Variants in UPF3A observed in about 807,000 individuals in gnomAD.
The protein encoded by UPF3A is regulator of nonsense transcripts 3A.
In UPF3A, 42 loss-of-function variants were observed where a neutral mutation model predicts 53.5. The ratio of observed to expected loss-of-function variants is 0.78; its 90% CI spans 0.61 to 1.01. UPF3A has a LOEUF of 1.01. UPF3A is among the 50% of genes least tolerant of loss of function. The probability of loss-of-function intolerance (pLI) is 0.00; values close to 1 mark genes in which losing one functional copy is unlikely to be tolerated. For synonymous variants in UPF3A, 237 were observed against 225.3 expected, an observed-to-expected ratio of 1.05 and a Z score of -0.47; for missense variants, 575 against 598.0, an observed-to-expected ratio of 0.96 and a Z score of 0.40.
chr13:114,282,301 C>A, intron 2 of UPF3A, 174 bp downstream of exon 2: 1 of 852,716 alleles, frequency 1.2e-6, no homozygotes, highest in Non-Finnish European at 1.7e-6. Context: ...AAAATACCAC[C>A]AACAAAGAAA....
At position 114,301,895 on chromosome 13, in the gene UPF3A, G is replaced by A. The variant is rs754867855; in HGVS notation, c.1172G>A (p.Gly391Glu). 2 of 1,610,210 alleles carry A rather than the reference G, an allele frequency of 1.2e-6. No homozygotes were observed. Among genetic ancestry groups the A allele is most frequent in the South Asian group, 1.1e-5 (1 of 90,690 alleles). Residue 391 changes from glycine to glutamate, a missense_variant, in exon 9 of 10, where the codon GGA (glycine) becomes GAA (glutamate). By Grantham distance (98) the Gly-to-Glu change is moderately conservative (BLOSUM62 -2). This residue lies in a region of UPF3A where 323 missense variants were observed against 415.2 expected (regional missense o/e 0.78). Coordinates refer to ENST00000375299, the MANE Select transcript of UPF3A (RefSeq NM_023011.4). ...RSEDEQRWGK[G>E]PGQDRGKKGS... ...GAGGATGAGCAGAGATGGGGGAAAG[G>A]ACCTGGCCAAGACAGAGGGAAGAAG...
At chr13:114,287,889 C>T (rs1594771284) in intron 5 of UPF3A, among the ~76,000 whole-genome samples, 4 of 152,314 alleles carry the variant, frequency 2.6e-5, no homozygotes, top group Middle Eastern at 3.4e-3. Flanking sequence ...TCACTGCAAC[C>T]TCTGCCTTCC....
intron 3 of UPF3A, chr13:114,284,164 C>G (rs1452806529): frequency 7.4e-6 from 5 of 677,398 alleles, no homozygotes; most frequent in Non-Finnish European, 9.1e-6. Context: ...GAGTTCGAGA[C>G]CGGCCTGAGC....
intron 7 of UPF3A, among the ~76,000 whole-genome samples, chr13:114,297,338 C>T (rs757813698): frequency 3.3e-5 from 5 of 151,566 alleles, no homozygotes; most frequent in South Asian, 2.1e-4. Flanking sequence ...TATGTCGTGG[C>T]GACTTGTTCA....
At chr13:114,292,060 G>T (rs965278183) in intron 7 of UPF3A, among the ~76,000 whole-genome samples, 13 of 150,744 alleles carry the variant, frequency 8.6e-5, no homozygotes, top group African/African-American at 3.2e-4. Flanking sequence ...GGAGCCCCAC[G>T]CTGGCACACG....
chr13:114,297,741 A>G (rs576111834), intron 7 of UPF3A, among the ~76,000 whole-genome samples: 1 of 152,140 alleles, frequency 6.6e-6, no homozygotes, highest in Admixed American at 6.5e-5. Flanking sequence ...AGGCAGGAGA[A>G]TTGCTTGAAC....
rs2084259438 is a variant in UPF3A, at chr13:114,282,866, A to G, written c.344A>G (p.Tyr115Cys). 6.2e-7 allele frequency: 1 copy of G among 1,611,016 alleles called. No homozygotes were observed. The highest frequency in any genetic ancestry group is 2.2e-5 in the East Asian group (1 of 44,830). The part of the protein sequence containing the change: ...SLYPHLYSRA[Y>C]INFRNPDDIL... ...TATCCTCATCTCTACTCAAGAGCAT[A>G]CATTAATTTTAGGAATCCTGATGAC... The change falls in exon 3 of 10, where the codon TAC (tyrosine) becomes TGC (cysteine). Residue 115 changes from tyrosine (Y) to cysteine (C), a missense_variant. Physicochemically the swap from Tyr to Cys is radical, Grantham distance 194. Coordinates refer to ENST00000375299, the MANE Select transcript of UPF3A (RefSeq NM_023011.4).
chr13:114,288,231 C>A (rs988323880), intron 5 of UPF3A, among the ~76,000 whole-genome samples: 1 of 152,222 alleles, frequency 6.6e-6, no homozygotes, highest in Admixed American at 6.5e-5. Flanking sequence ...TGCCTACCAT[C>A]GGGATGACAG....
chr13:114,295,486 C>T lies in UPF3A; in HGVS notation c.847-3354C>T, dbSNP rs189777746. 2.9e-3 allele frequency among the ~76,000 whole-genome samples: 437 copies of T among 152,096 alleles called. 1 individual carries two copies. Among genetic ancestry groups the T allele is most frequent in the Non-Finnish European group, 5.0e-3 (337 of 67,870 alleles). On this transcript the variant is annotated intron_variant, in intron 7 of 9. Transcript: ENST00000375299. ...GCGGATTCCACCTCAGGACTCCGCA[C>T]GTTTCCCTCCACAGGGACTTCCCCA...
Position 114,282,642 on chromosome 13 carries a change from A to C in UPF3A, c.315-195A>C, listed in dbSNP as rs2084225558. The C allele has an allele frequency of 3.0e-6, 3 of 985,470 alleles. No individual in the cohort carries two copies. The African/African-American group carries it at 5.2e-5, about 17-fold the overall frequency. 61.0% of individuals were successfully genotyped at this position (985,470 alleles called of 1,614,324 possible). A position where few individuals can be genotyped will look rare whatever the true frequency, so the allele number is the denominator to read the frequency against. On this transcript the variant is annotated intron_variant, in intron 2 of 9. Transcript: ENST00000375299. ...TTCTGGGCAGTGGAGAAGGGACCTG[A>C]GTTCTGCCTTGTAAAGTTAACGTTT...
intron 8 of UPF3A, 45 bp from the exon 9 acceptor site, chr13:114,301,686 A>AC: frequency 6.4e-7 from 1 of 1,572,788 alleles, no homozygotes; most frequent in Non-Finnish European, 8.6e-7. Context: ...TGGGCAGCCA[A>AC]CCGGCGGTTT....
At chr13:114,304,514 CAG>C (rs1304131764) in intron 9 of UPF3A, among the ~76,000 whole-genome samples, 3 of 152,202 alleles carry the variant, frequency 2.0e-5, no homozygotes, top group East Asian at 1.9e-4. Context: ...CTTCCCAACT[CAG>C]AGGGGGACGT....
At chr13:114,293,251 G>A (rs1210808919) in intron 7 of UPF3A, among the ~76,000 whole-genome samples, 2 of 150,340 alleles carry the variant, frequency 1.3e-5, no homozygotes, top group African/African-American at 2.5e-5. Context: ...GGACGTGGTG[G>A]CGTGTGCCTG....
chr13:114,304,702 A>G (rs536837583), intron 9 of UPF3A, 87 bp from the exon 10 acceptor site: 2 of 1,515,848 alleles, frequency 1.3e-6, no homozygotes, highest in East Asian at 2.3e-5. Flanking sequence ...GACAATTCAT[A>G]TCATCAAGTT....
intron 7 of UPF3A, among the ~76,000 whole-genome samples, chr13:114,293,252 C>T (rs997023419): frequency 7.2e-6 from 1 of 139,032 alleles, no homozygotes; most frequent in Admixed American, 7.4e-5. Context: ...GACGTGGTGG[C>T]GTGTGCCTGG....
intron 8 of UPF3A, among the ~76,000 whole-genome samples, chr13:114,300,684 C>T (rs1330072239): frequency 6.6e-6 from 1 of 152,164 alleles, no homozygotes; most frequent in Non-Finnish European, 1.5e-5. Flanking sequence ...GAATTACAGG[C>T]ATGCCCCTCC....
At chr13:114,283,115 C>A in intron 3 of UPF3A, 172 bp downstream of exon 3, 1 of 521,224 alleles carries the variant, frequency 1.9e-6, no homozygotes, top group East Asian at 3.6e-5. Flanking sequence ...CCTCACACTG[C>A]GGCTCAAGCA....
At chr13:114,295,111 C>CAA (rs60225573) in intron 7 of UPF3A, among the ~76,000 whole-genome samples, 2,114 of 85,252 alleles carry the variant, frequency 0.025, 52 homozygotes, top group African/African-American at 0.067. Context: ...GACTCCGTCT[C>CAA]AAAAAAAAAA....
At chr13:114,294,691 G>A (rs958428397) in intron 7 of UPF3A, among the ~76,000 whole-genome samples, 2 of 151,764 alleles carry the variant, frequency 1.3e-5, no homozygotes, top group Non-Finnish European at 1.5e-5. Flanking sequence ...TGGGCGTGGT[G>A]GCACACGCCT....
Sources: allele counts gnomAD v4.1 joint callset (sites outside exome capture counted in the v4.1 genomes callset), GRCh38; gene constraint gnomAD v4.1.1; regional missense constraint gnomAD v4.1.1; transcripts MANE v1.5; gene names NCBI Gene and HGNC (gene_info 2026-07-23, HGNC 2026-07-21).